PLD1: variants seen among roughly 807,000 people sequenced by gnomAD.
The protein encoded by PLD1 is phospholipase D1, also known as choline phosphatase 1.
A neutral mutation model predicts 137.1 loss-of-function variants in PLD1; 112 were observed. That is an observed-to-expected ratio of 0.82 (90% CI 0.70 to 0.96). The LOEUF is 0.96. PLD1 is among the 40% of genes least tolerant of loss of function. The pLI is 0.00. For synonymous variants in PLD1, 431 were observed against 454.7 expected (o/e 0.95, Z 0.66); for missense variants, 1,321 against 1,342.0 (o/e 0.98, Z 0.24).
At chr3:171,699,643 A>G (rs1204316953) in intron 12 of PLD1, 102 bp downstream of exon 12, 2 of 805,178 alleles carry the variant, frequency 2.5e-6, no homozygotes, top group South Asian at 1.7e-5. Context: ...GTCAAACTCT[A>G]AAGTGAAAAG....
intron 1 of PLD1, among the ~76,000 whole-genome samples, chr3:171,805,762 G>A (rs926956018): frequency 1.3e-5 from 2 of 152,202 alleles, no homozygotes; most frequent in African/African-American, 4.8e-5. Flanking sequence ...CACAGGTTAT[G>A]TTTTTTTCTA....
chr3:171,646,011 G>A (rs1202622741), intron 21 of PLD1, among the ~76,000 whole-genome samples: 3 of 151,034 alleles, frequency 2.0e-5, no homozygotes, highest in African/African-American at 7.3e-5. Context: ...GAAAGAAAAT[G>A]AATTCTACTC....
chr3:171,739,404 A>G (rs1446042044), intron 1 of PLD1, among the ~76,000 whole-genome samples: 1 of 152,220 alleles, frequency 6.6e-6, no homozygotes, highest in East Asian at 1.9e-4. Context: ...TTGGCCAGAC[A>G]TATAAAATTC....
Position 171,738,070 on chromosome 3 carries a change from A to G in PLD1, c.-19T>C, listed in dbSNP as rs1227909274. 1 of 1,601,118 alleles carries G rather than the reference A, an allele frequency of 6.2e-7. No homozygotes were observed. The highest frequency in any genetic ancestry group is 8.5e-7 in the Non-Finnish European group (1 of 1,172,590). ...GTGACATGTTAACTTTGGACAGAGT[A>G]AAAGCAAAGGGGCTAGGAAAGAAGA... is the stretch of plus-strand genomic sequence containing the variant. On this transcript the variant is annotated 5_prime_UTR_variant, in exon 2 of 27. Coordinates refer to ENST00000351298, the MANE Select transcript of PLD1 (RefSeq NM_002662.5).
At chr3:171,607,961 T>C (rs1732334909) in intron 25 of PLD1, among the ~76,000 whole-genome samples, 1 of 152,116 alleles carries the variant, frequency 6.6e-6, no homozygotes, top group Non-Finnish European at 1.5e-5. Flanking sequence ...ATTTTTTAAG[T>C]GAAAAAAATG....
chr3:171,611,634 C>A, intron 25 of PLD1: 1 of 518,858 alleles, frequency 1.9e-6, no homozygotes, highest in Non-Finnish European at 3.8e-6. Context: ...TCATTTTAGA[C>A]CTGAAAACAG....
intron 1 of PLD1, chr3:171,809,732 G>C (rs566945088): frequency 1.3e-5 from 2 of 152,454 alleles, no homozygotes; most frequent in African/African-American, 4.8e-5. Context: ...GGAAGGCTTG[G>C]AGGACGGCAC....
At chr3:171,705,074 G>T (rs1187456442) in intron 11 of PLD1, among the ~76,000 whole-genome samples, 1 of 152,198 alleles carries the variant, frequency 6.6e-6, no homozygotes, top group Non-Finnish European at 1.5e-5. Flanking sequence ...ACCTCCTGTT[G>T]CATGGCCTGG....
At chr3:171,764,895 G>GA (rs1553845930) in intron 1 of PLD1, among the ~76,000 whole-genome samples, 3 of 21,918 alleles carry the variant, frequency 1.4e-4, no homozygotes, top group Non-Finnish European at 2.9e-4. Flanking sequence ...AAGAAAGAAA[G>GA]GAAGGAAGGA....
chr3:171,661,792 C>G (rs1711530230), intron 20 of PLD1, among the ~76,000 whole-genome samples: 1 of 152,182 alleles, frequency 6.6e-6, no homozygotes, highest in Admixed American at 6.5e-5. Context: ...CTGTCTAATA[C>G]TATTACAATG....
rs58872734 is a variant in PLD1, at chr3:171,796,364, T to C, written c.-32+14035A>G. ...ATCAAAAAAAGGTTGATATTCATAG[T>C]TTATAAAATGGGAGGAAGAGTAAGT... On this transcript the variant is annotated intron_variant, in intron 1 of 26. Coordinates refer to ENST00000351298, the MANE Select transcript of PLD1 (RefSeq NM_002662.5). Among the ~76,000 whole-genome samples the C allele has an allele frequency of 4.8e-3, 731 of 152,292 alleles. 10 individuals carry two copies. The highest frequency in any genetic ancestry group is 0.017 in the African/African-American group (703 of 41,534).
chr3:171,717,684 T>C (rs1717779756), intron 8 of PLD1, among the ~76,000 whole-genome samples: 1 of 152,234 alleles, frequency 6.6e-6, no homozygotes, highest in African/African-American at 2.4e-5. Context: ...AGGAATAGTT[T>C]GACTTCCTCT....
intron 1 of PLD1, among the ~76,000 whole-genome samples, chr3:171,758,665 T>G (rs1000295195): frequency 6.6e-6 from 1 of 152,192 alleles, no homozygotes; most frequent in Non-Finnish European, 1.5e-5. Context: ...GTAAAACACT[T>G]CCTTCATGAT....
intron 25 of PLD1, chr3:171,611,757 C>A (rs1732675389): frequency 4.8e-6 from 2 of 414,800 alleles, no homozygotes; most frequent in Admixed American, 5.5e-5. Context: ...TAAATGGAAG[C>A]TGGAGGGTTT....
intron 1 of PLD1, among the ~76,000 whole-genome samples, chr3:171,764,830 AGAAAG>A (rs1560287881): frequency 9.6e-4 from 7 of 7,310 alleles, no homozygotes; most frequent in African/African-American, 2.7e-3. Flanking sequence ...AGAAAGAGAA[AGAAAG>A]AAAGAAAGAA....
At chr3:171,785,520 T>C (rs1921343) in intron 1 of PLD1, among the ~76,000 whole-genome samples, 128,639 of 151,582 alleles carry the variant, frequency 0.85, 54,776 homozygotes, top group Middle Eastern at 0.95. Flanking sequence ...CTCATGGCAA[T>C]CTCCGACTCC....
At chr3:171,722,990 CT>C (rs1197195714) in intron 8 of PLD1, among the ~76,000 whole-genome samples, 7 of 152,036 alleles carry the variant, frequency 4.6e-5, no homozygotes, top group Non-Finnish European at 8.8e-5. Flanking sequence ...AAGCATTATC[CT>C]TTATGTTACA....
At chr3:171,625,003 A>G (rs899587778) in intron 23 of PLD1, among the ~76,000 whole-genome samples, 5 of 152,008 alleles carry the variant, frequency 3.3e-5, no homozygotes, top group African/African-American at 7.2e-5. Context: ...TGTTTTTTGT[A>G]TAGTTCTGGC....
chr3:171,704,457 G>GAAAAAAA (rs1362665761), intron 11 of PLD1, among the ~76,000 whole-genome samples: 19 of 98,168 alleles, frequency 1.9e-4, no homozygotes, highest in African/African-American at 8.7e-4. Context: ...CAAAGAACCA[G>GAAAAAAA]GAAAAAAAAA....
Sources: gnomAD v4.1 joint callset for allele counts (sites outside exome capture counted in the v4.1 genomes callset) on GRCh38, gnomAD v4.1.1 for gene constraint, MANE v1.5 for transcripts, NCBI Gene and HGNC (gene_info 2026-07-23, HGNC 2026-07-21) for gene names.